LRRC4C: variants seen among roughly 807,000 people sequenced by gnomAD.
The protein encoded by LRRC4C is leucine-rich repeat-containing protein 4C.
LRRC4C carries 5 observed loss-of-function variants against 33.6 expected under a neutral mutation model. The ratio of observed to expected loss-of-function variants is 0.15; its 90% CI spans 0.08 to 0.31. The LOEUF (loss-of-function observed/expected upper bound fraction) is 0.31. LRRC4C is among the 10% of genes least tolerant of loss of function. The pLI, the probability that LRRC4C is intolerant of heterozygous loss-of-function variation, is 1.00. For missense variants in LRRC4C, 560 were observed against 796.7 expected (o/e 0.70, Z 3.58); for synonymous variants, 329 against 302.0 (o/e 1.09, Z -0.93).
At chr11:40,298,705 A>G (rs1379742481) in intron 4 of LRRC4C, among the ~76,000 whole-genome samples, 1 of 152,008 alleles carries the variant, frequency 6.6e-6, no homozygotes, top group African/African-American at 2.4e-5. Flanking sequence ...TAATTTATAA[A>G]GAAAATAGGT....
chr11:40,379,015 CAAGG>C (rs1237388547), intron 3 of LRRC4C, among the ~76,000 whole-genome samples: 4 of 151,876 alleles, frequency 2.6e-5, no homozygotes, highest in Admixed American at 6.6e-5. Context: ...AAACAAATAC[CAAGG>C]GAGGAAGTAT....
chr11:40,747,637 A>G (rs1270039439), intron 2 of LRRC4C, among the ~76,000 whole-genome samples: 1 of 152,100 alleles, frequency 6.6e-6, no homozygotes, highest in Non-Finnish European at 1.5e-5. Context: ...AGATACCAAA[A>G]TAATTCTTAA....
At position 40,256,873 on chromosome 11, in the gene LRRC4C, C is replaced by T. The variant is rs893986027; in HGVS notation, c.-175-15275G>A. On this transcript the variant is annotated intron_variant, in intron 4 of 6. Coordinates refer to ENST00000528697, the MANE Select transcript of LRRC4C (RefSeq NM_001258419.2). ...CTTTAGATGAGAGCTTTAGCTTCAG[C>T]CAGAGTCATTCATTCTCTTTTAAAA... is the stretch of plus-strand genomic sequence containing the variant. 6.6e-5 allele frequency among the ~76,000 whole-genome samples: 10 copies of T among 152,274 alleles called. 1 individual carries two copies. The Middle Eastern group carries it at 0.01, about 155-fold the overall frequency.
rs371848548 is a variant in LRRC4C at position 40,979,342 on chromosome 11, A to AT, written c.-495-45620dup. 1.5e-3 allele frequency among the ~76,000 whole-genome samples: 228 copies of AT among 152,336 alleles called. 2 individuals are homozygous for AT. The highest frequency in any genetic ancestry group is 5.4e-3 in the African/African-American group (224 of 41,576). Reference sequence around the variant, plus strand: ...CCTGCTCTTAGTACTCTTTCAATAGATATTTTTTGAATAGTCAATAAATTA... The same window carrying AT: ...CCTGCTCTTAGTACTCTTTCAATAGATTATTTTTTGAATAGTCAATAAATTA... On this transcript the variant is annotated intron_variant, in intron 1 of 6. Coordinates refer to ENST00000528697, the MANE Select transcript of LRRC4C (RefSeq NM_001258419.2).
intron 1 of LRRC4C, among the ~76,000 whole-genome samples, chr11:41,094,586 G>C (rs1940683183): frequency 6.6e-6 from 1 of 152,054 alleles, no homozygotes. Flanking sequence ...TAATGATCCT[G>C]TGTGAATAGC....
At chr11:41,357,232 G>C (rs996004813) in intron 1 of LRRC4C, among the ~76,000 whole-genome samples, 1 of 152,034 alleles carries the variant, frequency 6.6e-6, no homozygotes, top group Non-Finnish European at 1.5e-5. Context: ...AAATCTCTCT[G>C]ACCTTAATGC....
chr11:41,379,331 T>G (rs1398402648), intron 1 of LRRC4C, among the ~76,000 whole-genome samples: 1 of 152,164 alleles, frequency 6.6e-6, no homozygotes. Flanking sequence ...TGATTCTTCC[T>G]GTAGAGTTCT....
intron 3 of LRRC4C, among the ~76,000 whole-genome samples, chr11:40,567,479 T>A (rs1957811721): frequency 6.6e-6 from 1 of 152,346 alleles, no homozygotes; most frequent in Admixed American, 6.5e-5. Flanking sequence ...TTTATAGCTA[T>A]GGACACTTGG....
intron 4 of LRRC4C, among the ~76,000 whole-genome samples, chr11:40,266,937 ACACCCACC>A (rs199993924): frequency 7.1e-6 from 1 of 141,340 alleles, no homozygotes; most frequent in Non-Finnish European, 1.5e-5. Flanking sequence ...AACACACACC[ACACCCACC>A]CACCCACCCA....
At chr11:40,803,579 CA>C (rs1244619795) in intron 2 of LRRC4C, among the ~76,000 whole-genome samples, 4 of 151,830 alleles carry the variant, frequency 2.6e-5, no homozygotes, top group African/African-American at 4.8e-5. Flanking sequence ...TCTATATGGT[CA>C]TTTTTTTTAA....
chr11:41,315,695 G>A (rs1472196354), intron 1 of LRRC4C, among the ~76,000 whole-genome samples: 2 of 152,190 alleles, frequency 1.3e-5, no homozygotes, highest in Non-Finnish European at 2.9e-5. Flanking sequence ...AACTATAAGG[G>A]AATGAATGTT....
At chr11:41,314,656 G>A (rs985681262) in intron 1 of LRRC4C, among the ~76,000 whole-genome samples, 14 of 152,074 alleles carry the variant, frequency 9.2e-5, no homozygotes, top group African/African-American at 1.9e-4. Flanking sequence ...TCAGGGGTGC[G>A]GGGCCGTGGG....
At chr11:40,445,116 C>T (rs924454122) in intron 3 of LRRC4C, among the ~76,000 whole-genome samples, 4 of 152,188 alleles carry the variant, frequency 2.6e-5, no homozygotes, top group African/African-American at 7.2e-5. Context: ...TAATGTTCAT[C>T]ATTTCTGACC....
At chr11:40,458,007 C>T (rs748368289) in intron 3 of LRRC4C, among the ~76,000 whole-genome samples, 1 of 151,904 alleles carries the variant, frequency 6.6e-6, no homozygotes, top group Non-Finnish European at 1.5e-5. Flanking sequence ...TTACATTCTG[C>T]CTAAAGTAAT....
chr11:40,482,941 T>G (rs1953664436), intron 3 of LRRC4C, among the ~76,000 whole-genome samples: 1 of 152,178 alleles, frequency 6.6e-6, no homozygotes, highest in Non-Finnish European at 1.5e-5. Context: ...AGCCAAACAC[T>G]TAGTAAACTT....
At chr11:40,174,252 A>G (rs1176614378) in intron 5 of LRRC4C, among the ~76,000 whole-genome samples, 1 of 152,212 alleles carries the variant, frequency 6.6e-6, no homozygotes, top group Non-Finnish European at 1.5e-5. Flanking sequence ...CGAAGAATAC[A>G]CATCTCAAAT....
intron 2 of LRRC4C, among the ~76,000 whole-genome samples, chr11:40,738,777 A>C (rs1003894554): frequency 1.3e-5 from 2 of 151,830 alleles, no homozygotes; most frequent in Non-Finnish European, 2.9e-5. Flanking sequence ...TAATCTTTTG[A>C]CTCCTTTTTC....
intron 3 of LRRC4C, among the ~76,000 whole-genome samples, chr11:40,335,309 T>C (rs947515610): frequency 2.0e-5 from 3 of 152,178 alleles, no homozygotes; most frequent in African/African-American, 7.2e-5. Context: ...AAAAAATATA[T>C]TTCTGAATTA....
intron 1 of LRRC4C, among the ~76,000 whole-genome samples, chr11:41,349,336 T>G (rs1951899628): frequency 6.6e-6 from 1 of 152,112 alleles, no homozygotes; most frequent in Non-Finnish European, 1.5e-5. Context: ...ATGGAAGACA[T>G]GCTGCAACCA....
Sources: gnomAD v4.1 joint callset for allele counts (sites outside exome capture counted in the v4.1 genomes callset) on GRCh38, gnomAD v4.1.1 for gene constraint, MANE v1.5 for transcripts, NCBI Gene and HGNC (gene_info 2026-07-23, HGNC 2026-07-21) for gene names.